Variants in RBMS3 observed in about 807,000 individuals in gnomAD.
RBMS3 encodes the protein RNA binding motif single stranded interacting protein 3, also known as RNA-binding motif, single-stranded-interacting protein 3.
Under a neutral mutation model 66.8 loss-of-function variants are expected in RBMS3, and 27 were observed. The ratio of observed to expected loss-of-function variants is 0.40; its 90% CI spans 0.30 to 0.56. The LOEUF is 0.56. RBMS3 is among the 20% of genes least tolerant of loss of function. The pLI is 0.40. For synonymous variants in RBMS3, 188 were observed against 183.0 expected, an observed-to-expected ratio of 1.03 and a Z score of -0.22; for missense variants, 513 against 549.5, an observed-to-expected ratio of 0.93 and a Z score of 0.66.
intron 14 of RBMS3, among the ~76,000 whole-genome samples, chr3:29,997,470 G>T (rs200889630): frequency 0.045 from 6,172 of 138,522 alleles, 346 homozygotes; most frequent in African/African-American, 0.1. Flanking sequence ...AACAAAAAAA[G>T]AGAATTTGAG....
At chr3:29,536,633 C>T (rs1391558012) in intron 3 of RBMS3, among the ~76,000 whole-genome samples, 1 of 152,062 alleles carries the variant, frequency 6.6e-6, no homozygotes, top group African/African-American at 2.4e-5. Flanking sequence ...ATATGTTAGC[C>T]GTATTGCACA....
intron 1 of RBMS3, among the ~76,000 whole-genome samples, chr3:29,333,982 A>G (rs1165213570): frequency 1.3e-5 from 2 of 152,160 alleles, no homozygotes; most frequent in Non-Finnish European, 2.9e-5. Context: ...GCTTGTATCT[A>G]GCGTTATGAC....
intron 1 of RBMS3, among the ~76,000 whole-genome samples, chr3:29,429,068 C>T (rs1359158305): frequency 6.6e-6 from 1 of 152,116 alleles, no homozygotes; most frequent in Non-Finnish European, 1.5e-5. Context: ...TAATTAAGAG[C>T]TAAAGTTCTG....
In RBMS3 at chr3:29,744,668, G is replaced by A. The variant is rs34284197; in HGVS notation, c.557+4791G>A. Among the ~76,000 whole-genome samples the A allele has an allele frequency of 4.1e-3, 620 of 151,452 alleles. 5 individuals are homozygous for A. The highest frequency in any genetic ancestry group is 0.013 in the African/African-American group (517 of 41,272). ...GCGTGGTGGCACGTGCCTGTAATCC[G>A]AGCTACTCGGGAGGCTGAGGCATGA... On this transcript the variant is annotated intron_variant, in intron 5 of 14. Coordinates refer to ENST00000383767, the MANE Select transcript of RBMS3 (RefSeq NM_001003793.3).
chr3:29,731,283 C>A (rs1044717579), intron 4 of RBMS3, among the ~76,000 whole-genome samples: 2 of 152,256 alleles, frequency 1.3e-5, no homozygotes, highest in South Asian at 2.1e-4. Context: ...GTAAATGCTT[C>A]TTTTTAAAAA....
At chr3:29,861,410 T>C (rs2059213669) in intron 6 of RBMS3, among the ~76,000 whole-genome samples, 1 of 152,168 alleles carries the variant, frequency 6.6e-6, no homozygotes, top group African/African-American at 2.4e-5. Context: ...CCAGTAATGT[T>C]ATAGCAATAA....
intron 6 of RBMS3, among the ~76,000 whole-genome samples, chr3:29,863,560 T>C (rs987363097): frequency 6.6e-6 from 1 of 152,154 alleles, no homozygotes; most frequent in Non-Finnish European, 1.5e-5. Flanking sequence ...TCAATATTCA[T>C]AGCCTAACTG....
At chr3:29,701,613 G>C (rs1035137649) in intron 4 of RBMS3, among the ~76,000 whole-genome samples, 2 of 151,892 alleles carry the variant, frequency 1.3e-5, no homozygotes, top group Non-Finnish European at 2.9e-5. Flanking sequence ...TGCGCGCGTC[G>C]TTCACGGCCC....
chr3:29,561,449 T>G (rs1302770363), intron 3 of RBMS3, among the ~76,000 whole-genome samples: 5 of 151,940 alleles, frequency 3.3e-5, no homozygotes, highest in Admixed American at 3.3e-4. Flanking sequence ...TTGTTGTTGT[T>G]GTTGTTGTTG....
At position 29,923,907 on chromosome 3, in the gene RBMS3, T is replaced by TA. The variant is rs529597508; in HGVS notation, c.940-12177dup. The stretch of plus-strand genomic sequence containing the variant: ...GCAGTGAGGAAAAATAAAGACATCT[T>TA]AATAAACTATTTTTGATGTAATTAT... On this transcript the variant is annotated intron_variant, in intron 10 of 14. Coordinates refer to ENST00000383767, the MANE Select transcript of RBMS3 (RefSeq NM_001003793.3). Among the ~76,000 whole-genome samples, 446 of 152,304 alleles carry TA rather than the reference T, an allele frequency of 2.9e-3. 1 individual carries two copies. Among genetic ancestry groups the TA allele is most frequent in the African/African-American group, 9.8e-3 (407 of 41,550 alleles).
chr3:29,486,289 T>C (rs1375106201), intron 2 of RBMS3, among the ~76,000 whole-genome samples: 1 of 152,134 alleles, frequency 6.6e-6, no homozygotes, highest in African/African-American at 2.4e-5. Flanking sequence ...TTAAAGCATA[T>C]CCTAGCTTTG....
At chr3:29,548,411 C>G (rs532846274) in intron 3 of RBMS3, among the ~76,000 whole-genome samples, 1 of 150,696 alleles carries the variant, frequency 6.6e-6, no homozygotes, top group East Asian at 2.0e-4. Flanking sequence ...GCCTGGGTGA[C>G]AGAGTGAGAC....
intron 3 of RBMS3, among the ~76,000 whole-genome samples, chr3:29,562,260 A>G (rs2149050354): frequency 6.6e-6 from 1 of 152,282 alleles, no homozygotes; most frequent in South Asian, 2.1e-4. Context: ...CAAACTGAAG[A>G]AAACGGCAGC....
chr3:29,607,483 G>C (rs970008194), intron 4 of RBMS3, among the ~76,000 whole-genome samples: 56 of 151,946 alleles, frequency 3.7e-4, no homozygotes, highest in African/African-American at 1.3e-3. Context: ...ATATATGAGG[G>C]TTCTGCCTTT....
chr3:29,994,906 G>A (rs1699116597), intron 14 of RBMS3, among the ~76,000 whole-genome samples: 2 of 152,214 alleles, frequency 1.3e-5, no homozygotes, highest in Non-Finnish European at 2.9e-5. Context: ...ACCAGCAACG[G>A]AACAAAGCTG....
At chr3:29,475,379 G>T (rs144681074) in intron 2 of RBMS3, among the ~76,000 whole-genome samples, 5,553 of 151,838 alleles carry the variant, frequency 0.037, 152 homozygotes, top group Admixed American at 0.095. Context: ...CTCTGGAGTA[G>T]CTGGGACTAC....
chr3:29,812,594 C>A (rs1023708778), intron 6 of RBMS3, among the ~76,000 whole-genome samples: 2 of 152,166 alleles, frequency 1.3e-5, no homozygotes, highest in African/African-American at 4.8e-5. Context: ...GGGATCCAGT[C>A]TGCCCATCTA....
At chr3:29,762,640 T>C (rs934820911) in intron 5 of RBMS3, among the ~76,000 whole-genome samples, 1 of 152,128 alleles carries the variant, frequency 6.6e-6, no homozygotes, top group African/African-American at 2.4e-5. Flanking sequence ...CTGGGTGAAT[T>C]AAGATAATGC....
chr3:29,317,407 C>T (rs1476578871), intron 1 of RBMS3, among the ~76,000 whole-genome samples: 1 of 151,584 alleles, frequency 6.6e-6, no homozygotes, highest in Non-Finnish European at 1.5e-5. Context: ...TTGCTTGAAC[C>T]TAAAAGCTTT....
Sources: allele counts gnomAD v4.1 joint callset (sites outside exome capture counted in the v4.1 genomes callset), GRCh38; gene constraint gnomAD v4.1.1; transcripts MANE v1.5; gene names NCBI Gene and HGNC (gene_info 2026-07-23, HGNC 2026-07-21).